ISY1: variants seen among roughly 807,000 people sequenced by gnomAD.
ISY1 encodes pre-mRNA-splicing factor ISY1 homolog.
A neutral mutation model predicts 54.4 loss-of-function variants in ISY1; 12 were observed. That is an observed-to-expected ratio of 0.22 (90% CI 0.14 to 0.36). ISY1 has a LOEUF of 0.36. ISY1 is among the 10% of genes least tolerant of loss of function. The probability of loss-of-function intolerance (pLI) is 1.00; values close to 1 mark genes in which losing one functional copy is unlikely to be tolerated. For missense variants in ISY1, 282 were observed against 342.2 expected (o/e 0.82, Z 1.39); for synonymous variants, 96 against 117.9 (o/e 0.81, Z 1.20).
intron 7 of ISY1, chr3:129,137,315 C>T: frequency 3.7e-6 from 2 of 545,774 alleles, no homozygotes; most frequent in Non-Finnish European, 4.7e-6. Flanking sequence ...GACTTTAACT[C>T]TATCTGTGCT....
At chr3:129,133,995 G>A (rs972911216) in intron 9 of ISY1, 79 bp downstream of exon 9, 57 of 1,591,730 alleles carry the variant, frequency 3.6e-5, no homozygotes, top group Non-Finnish European at 4.6e-5. Flanking sequence ...TCTGTATTTG[G>A]GAGCCAAGTT....
chr3:129,135,828 T>A (rs927591333), intron 7 of ISY1, among the ~76,000 whole-genome samples: 1 of 151,332 alleles, frequency 6.6e-6, no homozygotes, highest in Admixed American at 6.6e-5. Context: ...GAAATATGCA[T>A]CACAGTATTA....
At chr3:129,134,704 C>A (rs191256503) in intron 8 of ISY1, 128 bp downstream of exon 8, 3 of 1,283,778 alleles carry the variant, frequency 2.3e-6, no homozygotes, top group South Asian at 1.4e-5. Context: ...CAGACCATCA[C>A]GCCTGAAGAT....
intron 7 of ISY1, among the ~76,000 whole-genome samples, chr3:129,138,048 G>A (rs374642937): frequency 7.6e-5 from 11 of 144,472 alleles, no homozygotes; most frequent in African/African-American, 2.3e-4. Flanking sequence ...AGACCAAGGC[G>A]GGCGGATCAC....
chr3:129,133,592 G>A (rs1321491602), intron 9 of ISY1, among the ~76,000 whole-genome samples: 2 of 152,234 alleles, frequency 1.3e-5, no homozygotes, highest in Non-Finnish European at 1.5e-5. Context: ...TACTTGGGAG[G>A]TTGAGGCAGA....
chr3:129,153,189 T>A (rs1222998493), intron 5 of ISY1, among the ~76,000 whole-genome samples: 1 of 152,006 alleles, frequency 6.6e-6, no homozygotes, highest in East Asian at 1.9e-4. Context: ...TTTGTATTTT[T>A]CATAGAGACA....
chr3:129,130,477 C>A, intron 10 of ISY1, 73 bp downstream of exon 10: 4 of 1,561,310 alleles, frequency 2.6e-6, no homozygotes, highest in South Asian at 1.2e-5. Flanking sequence ...CAACGAAAAC[C>A]CACTACAGTG....
chr3:129,145,681 T>C (rs1433367272), intron 6 of ISY1, 80 bp downstream of exon 6: 4 of 1,379,114 alleles, frequency 2.9e-6, no homozygotes, highest in African/African-American at 1.4e-5. Flanking sequence ...ATCAAGCGAC[T>C]ACTATGGCAA....
At chr3:129,133,703 A>T (rs568228358) in intron 9 of ISY1, among the ~76,000 whole-genome samples, 4 of 152,322 alleles carry the variant, frequency 2.6e-5, no homozygotes, top group African/African-American at 7.2e-5. Context: ...CAAAAAAAAT[A>T]AAAAAGATGG....
In ISY1 at chr3:129,161,020, A is replaced by G. The variant is rs1412747400; in HGVS notation, c.-45T>C. ...TCCTGGAGCCCCGCGGCCCCTGTCC[A>G]AGAAACTCCACAGGCCCAGAAGACG... On this transcript the variant is annotated 5_prime_UTR_variant, in exon 1 of 11. Transcript: ENST00000393295. The G allele has an allele frequency of 5.4e-6, 8 of 1,480,064 alleles. No individual in the cohort carries two copies. Among genetic ancestry groups the G allele is most frequent in the East Asian group, 2.9e-5 (1 of 34,872 alleles). 91.7% of individuals were successfully genotyped at this position (1,480,064 alleles called of 1,614,324 possible). A position where few individuals can be genotyped will look rare whatever the true frequency, so the allele number is the denominator to read the frequency against.
intron 3 of ISY1, among the ~76,000 whole-genome samples, chr3:129,157,994 G>C (rs1024151420): frequency 5.9e-5 from 9 of 152,048 alleles, no homozygotes; most frequent in African/African-American, 2.2e-4. Context: ...AAGTAGCTGG[G>C]ATTACAGGTG....
At chr3:129,159,392 C>A (rs1487149641) in intron 1 of ISY1, among the ~76,000 whole-genome samples, 1 of 152,156 alleles carries the variant, frequency 6.6e-6, no homozygotes, top group Non-Finnish European at 1.5e-5. Flanking sequence ...TCCACTGACC[C>A]TAACACCTTG....
At chr3:129,160,034 T>G (rs1937258574) in intron 1 of ISY1, among the ~76,000 whole-genome samples, 1 of 152,152 alleles carries the variant, frequency 6.6e-6, no homozygotes, top group Admixed American at 6.6e-5. Context: ...TACTTTTTTT[T>G]TTTTTCTTTG....
intron 9 of ISY1, among the ~76,000 whole-genome samples, chr3:129,133,514 T>C (rs879842087): frequency 6.6e-6 from 1 of 152,064 alleles, no homozygotes; most frequent in Admixed American, 6.6e-5. Flanking sequence ...GCCAATATGG[T>C]GAAACCCCGT....
chr3:129,131,547 G>T (rs1193680698), intron 9 of ISY1, among the ~76,000 whole-genome samples: 2 of 152,186 alleles, frequency 1.3e-5, no homozygotes, highest in African/African-American at 2.4e-5. Flanking sequence ...TTTGCTATGT[G>T]TGTGTGTGTT....
chr3:129,138,838 A>C (rs1936516879), intron 7 of ISY1, among the ~76,000 whole-genome samples: 1 of 151,914 alleles, frequency 6.6e-6, no homozygotes, highest in Non-Finnish European at 1.5e-5. Context: ...GAAAGAAAGA[A>C]AGAAAGAAAC....
At chr3:129,133,905 C>G (rs1014280239) in intron 9 of ISY1, among the ~76,000 whole-genome samples, 169 bp downstream of exon 9, 1 of 152,180 alleles carries the variant, frequency 6.6e-6, no homozygotes, top group Admixed American at 6.5e-5. Flanking sequence ...ATGGCTGCTG[C>G]CTCCTGAAAC....
At chr3:129,151,643 T>C (rs1418586453) in intron 5 of ISY1, among the ~76,000 whole-genome samples, 2 of 151,988 alleles carry the variant, frequency 1.3e-5, no homozygotes, top group Non-Finnish European at 2.9e-5. Flanking sequence ...AAAAGAAAAT[T>C]ATATAGGATT....
chr3:129,146,583 T>C (rs1172065234), intron 5 of ISY1, among the ~76,000 whole-genome samples: 2 of 152,150 alleles, frequency 1.3e-5, no homozygotes, highest in Non-Finnish European at 2.9e-5. Flanking sequence ...ACACCTGGGT[T>C]ACAGCTAAGA....
Sources: allele counts gnomAD v4.1 joint callset (sites outside exome capture counted in the v4.1 genomes callset), GRCh38; gene constraint gnomAD v4.1.1; transcripts MANE v1.5; gene names NCBI Gene and HGNC (gene_info 2026-07-23, HGNC 2026-07-21).